The following GABRG3 variants were observed in gnomAD, a reference collection of about 807,000 sequenced individuals.
GABRG3 encodes the protein gamma-aminobutyric acid receptor subunit gamma-3.
In GABRG3, 25 loss-of-function variants were observed where a neutral mutation model predicts 48.8. The observed-to-expected ratio is 0.51, with a 90% CI of 0.37 to 0.72. The LOEUF (loss-of-function observed/expected upper bound fraction) is 0.72, where lower values mean the gene tolerates loss of function less well. GABRG3 is among the 30% of genes least tolerant of loss of function. The probability of loss-of-function intolerance (pLI) is 0.00; values close to 1 mark genes in which losing one functional copy is unlikely to be tolerated. For missense variants in GABRG3, 394 were observed against 577.9 expected (o/e 0.68, Z 3.26); for synonymous variants, 227 against 217.6 (o/e 1.04, Z -0.38).
chr15:27,427,711 G>C (rs2140619516), intron 5 of GABRG3, among the ~76,000 whole-genome samples: 1 of 152,246 alleles, frequency 6.6e-6, no homozygotes, highest in South Asian at 2.1e-4. Context: ...AATTCTTGCA[G>C]AACAAATTGG....
rs1892768796 is a variant in GABRG3 at position 27,308,179 on chromosome 15, TCC to T, written c.271-18629_271-18628del. 1.5e-4 allele frequency among the ~76,000 whole-genome samples: 6 copies of T among 38,716 alleles called. 2 individuals are homozygous for T. Among genetic ancestry groups the T allele is most frequent in the Non-Finnish European group, 5.1e-4 (6 of 11,690 alleles). 25.4% of individuals were successfully genotyped at this position (38,716 alleles called of 152,430 possible). On this transcript the variant is annotated intron_variant, in intron 3 of 9. Transcript: ENST00000615808. ...ATATATAAACATATATGTTTATATA[TCC>T]AAACATATATAAACATGTTTATATA...
intron 3 of GABRG3, among the ~76,000 whole-genome samples, chr15:27,155,113 A>G (rs980604303): frequency 4.0e-5 from 6 of 151,298 alleles, no homozygotes; most frequent in Non-Finnish European, 5.9e-5. Context: ...TGCAGTTTCT[A>G]TTGTTTTATA....
chr15:27,503,200 C>T (rs529716146), intron 6 of GABRG3, among the ~76,000 whole-genome samples: 1 of 152,190 alleles, frequency 6.6e-6, no homozygotes, highest in Non-Finnish European at 1.5e-5. Flanking sequence ...AAACAGGCAT[C>T]ACCTGGGAGA....
intron 3 of GABRG3, among the ~76,000 whole-genome samples, chr15:27,242,485 C>T (rs1595607639): frequency 6.6e-6 from 1 of 152,184 alleles, no homozygotes; most frequent in East Asian, 1.9e-4. Flanking sequence ...CCCTAATTTA[C>T]ATAGAAATTA....
rs1036762675 is a variant in GABRG3, at chr15:27,130,456, A to G, written c.270+103635A>G. On this transcript the variant is annotated intron_variant, in intron 3 of 9. Transcript: ENST00000615808. ...TTTTTGATTACTGTAACTTTGTAGT[A>G]AGTTTTGAAATCAGAAACTATGAGA... Among the ~76,000 whole-genome samples, 4 of 152,102 alleles carry G rather than the reference A, an allele frequency of 2.6e-5. No homozygotes were observed. The South Asian group carries it at 6.2e-4, about 24-fold the overall frequency.
intron 3 of GABRG3, among the ~76,000 whole-genome samples, chr15:27,168,635 G>T (rs956392448): frequency 1.3e-5 from 2 of 152,286 alleles, no homozygotes; most frequent in Middle Eastern, 3.4e-3. Flanking sequence ...CCAGTGGGGA[G>T]CCTTCGTGAA....
rs57021410 is a variant in GABRG3 at position 27,145,665 on chromosome 15, T to TATCTATCTATC, written c.270+118844_270+118845insATCTATCTATC. ...TCTATCTATCTATCTATCTATCTATTGTGCCAGAAGGAGAGGTGAGAAAGA... is the reference window on the plus strand; with the variant it reads ...TCTATCTATCTATCTATCTATCTATTATCTATCTATCGTGCCAGAAGGAGAGGTGAGAAAGA... On this transcript the variant is annotated intron_variant, in intron 3 of 9. Transcript: ENST00000615808. 8.4e-3 allele frequency among the ~76,000 whole-genome samples: 1,163 copies of TATCTATCTATC among 138,440 alleles called. 37 individuals carry two copies. Among genetic ancestry groups the TATCTATCTATC allele is most frequent in the South Asian group, 0.012 (55 of 4,410 alleles). 90.8% of individuals were successfully genotyped at this position (138,440 alleles called of 152,430 possible).
At chr15:27,089,402 A>C (rs190086251) in intron 3 of GABRG3, among the ~76,000 whole-genome samples, 127 of 152,170 alleles carry the variant, frequency 8.3e-4, no homozygotes, top group African/African-American at 2.7e-3. Context: ...AGCACACCAG[A>C]GGCTTCTTGT....
At chr15:27,072,610 C>A (rs189494336) in intron 3 of GABRG3, among the ~76,000 whole-genome samples, 3 of 152,168 alleles carry the variant, frequency 2.0e-5, no homozygotes, top group Non-Finnish European at 4.4e-5. Context: ...TGACTTACTG[C>A]GGAAGGAACA....
At chr15:27,510,962 T>A (rs1890882543) in intron 6 of GABRG3, among the ~76,000 whole-genome samples, 1 of 152,150 alleles carries the variant, frequency 6.6e-6, no homozygotes, top group Non-Finnish European at 1.5e-5. Context: ...ACTCAACTCT[T>A]TATATATATA....
chr15:27,043,093 T>C (rs1896305597), intron 3 of GABRG3, among the ~76,000 whole-genome samples: 1 of 152,214 alleles, frequency 6.6e-6, no homozygotes, highest in African/African-American at 2.4e-5. Flanking sequence ...GTCTGGAATC[T>C]CTTCCCCCCA....
At chr15:27,326,618 C>T in intron 3 of GABRG3, among the ~76,000 whole-genome samples, 191 bp from the exon 4 acceptor site, 1 of 152,166 alleles carries the variant, frequency 6.6e-6, no homozygotes, top group Middle Eastern at 3.2e-3. Flanking sequence ...CATAATGTTA[C>T]TACACTGTTG....
chr15:27,085,347 AT>A (rs929675598), intron 3 of GABRG3, among the ~76,000 whole-genome samples: 1 of 152,200 alleles, frequency 6.6e-6, no homozygotes, highest in African/African-American at 2.4e-5. Context: ...TACACCAGCT[AT>A]TTTTTAACCA....
intron 6 of GABRG3, among the ~76,000 whole-genome samples, chr15:27,494,064 T>C (rs1303378055): frequency 6.6e-6 from 1 of 152,192 alleles, no homozygotes; most frequent in African/African-American, 2.4e-5. Flanking sequence ...TATGATTTTT[T>C]TCTTCGTTAA....
intron 3 of GABRG3, among the ~76,000 whole-genome samples, chr15:27,071,846 G>A (rs1896832475): frequency 6.6e-6 from 1 of 152,188 alleles, no homozygotes; most frequent in South Asian, 2.1e-4. Context: ...TACTAAGATG[G>A]CTTTTCTGGT....
rs1261410099 is a variant in GABRG3 at position 27,535,734 on chromosome 15, A to C, written c.*2853A>C. ...CTCAACTCCTGAGATGAGCCTTTTCAGTCCACAATGAGGAAGAGATGGGTG... is the reference window on the plus strand; with the variant it reads ...CTCAACTCCTGAGATGAGCCTTTTCCGTCCACAATGAGGAAGAGATGGGTG... On this transcript the variant is annotated 3_prime_UTR_variant, in exon 10 of 10. Coordinates refer to ENST00000615808, the MANE Select transcript of GABRG3 (RefSeq NM_033223.5). 6.6e-6 allele frequency: 1 copy of C among 152,308 alleles called. No homozygotes were observed. The highest frequency in any genetic ancestry group is 1.5e-5 in the Non-Finnish European group (1 of 68,092). 9.4% of individuals were successfully genotyped at this position (152,308 alleles called of 1,614,324 possible).
intron 3 of GABRG3, among the ~76,000 whole-genome samples, chr15:27,088,264 G>C (rs1476769837): frequency 6.6e-6 from 1 of 151,362 alleles, no homozygotes; most frequent in African/African-American, 2.4e-5. Flanking sequence ...CGCGGGGGCG[G>C]GCGCGGGGGC....
chr15:27,528,947 C>A (rs1485829405), intron 9 of GABRG3, among the ~76,000 whole-genome samples: 1 of 152,012 alleles, frequency 6.6e-6, no homozygotes, highest in East Asian at 1.9e-4. Context: ...TTGCCACTAT[C>A]CTATTTTGTG....
At chr15:27,476,960 A>C (rs1889958940) in intron 5 of GABRG3, among the ~76,000 whole-genome samples, 1 of 152,244 alleles carries the variant, frequency 6.6e-6, no homozygotes. Context: ...CAATATGATT[A>C]GCAGCAGATT....
Sources: allele counts gnomAD v4.1 joint callset (sites outside exome capture counted in the v4.1 genomes callset), GRCh38; gene constraint gnomAD v4.1.1; transcripts MANE v1.5; gene names NCBI Gene and HGNC (gene_info 2026-07-23, HGNC 2026-07-21).